The following FAM24B variants were observed in gnomAD, a reference collection of about 807,000 sequenced individuals.
The protein encoded by FAM24B is protein FAM24B.
FAM24B carries 3 observed loss-of-function variants against 2.3 expected under a neutral mutation model. That is an observed-to-expected ratio of 1.29 (90% confidence interval 0.59 to 3.32). The LOEUF is 3.32. Among genes scored for constraint, FAM24B ranks in the 30% most tolerant of loss-of-function variants. The pLI is 0.03. For synonymous variants in FAM24B, 36 were observed against 46.3 expected (o/e 0.78, Z 0.90); for missense variants, 98 against 117.2 (o/e 0.84, Z 0.76).
chr10:122,849,696 C>A (rs1485354739), intron 3 of FAM24B, among the ~76,000 whole-genome samples: 2 of 152,074 alleles, frequency 1.3e-5, no homozygotes, highest in African/African-American at 4.8e-5. Context: ...CTGGTCACTG[C>A]AGGCCCCCGA....
chr10:122,858,070 T>C (rs1001380144), intron 1 of FAM24B, among the ~76,000 whole-genome samples: 62 of 152,310 alleles, frequency 4.1e-4, no homozygotes, highest in African/African-American at 1.1e-3. Flanking sequence ...CCCAAAGGAT[T>C]ATAAATCATG....
chr10:122,849,466 AG>A (rs749697281), intron 3 of FAM24B, 27 bp from the exon 4 acceptor site: 1 of 1,579,048 alleles, frequency 6.3e-7, no homozygotes, highest in South Asian at 1.2e-5. Context: ...CACAAAGCAC[AG>A]GCTTAGAATT....
intron 1 of FAM24B, among the ~76,000 whole-genome samples, chr10:122,866,773 A>G (rs945480010): frequency 2.0e-5 from 3 of 152,074 alleles, no homozygotes; most frequent in Non-Finnish European, 4.4e-5. Flanking sequence ...CTCTCTCCCT[A>G]TTCTCAGGCC....
Position 122,851,989 on chromosome 10 carries a change from G to A in FAM24B, c.-35-1439C>T, listed in dbSNP as rs184115173. Reference sequence around the variant, plus strand: ...ATTCACTAGAAGGGCTTTCATAGCAGATTGGGATTGACAGAAGAATCAGTG... The same window carrying A: ...ATTCACTAGAAGGGCTTTCATAGCAAATTGGGATTGACAGAAGAATCAGTG... On this transcript the variant is annotated intron_variant, in intron 2 of 3. Coordinates refer to ENST00000368898, the MANE Select transcript of FAM24B (RefSeq NM_152644.3). Among the ~76,000 whole-genome samples, 6 of 152,276 alleles carry A rather than the reference G, an allele frequency of 3.9e-5. No homozygotes were observed. The East Asian group carries it at 5.8e-4, about 15-fold the overall frequency.
At chr10:122,863,141 T>C (rs772921881) in intron 1 of FAM24B, among the ~76,000 whole-genome samples, 3 of 152,190 alleles carry the variant, frequency 2.0e-5, no homozygotes, top group Non-Finnish European at 4.4e-5. Flanking sequence ...TTTTTGGCCA[T>C]GTTGAAGAAT....
Position 122,866,304 on chromosome 10 carries a change from T to A in FAM24B, c.-177-10518A>T, listed in dbSNP as rs1429715500. Among the ~76,000 whole-genome samples the A allele has an allele frequency of 2.6e-5, 4 of 152,264 alleles. No homozygotes were observed. The South Asian group carries it at 6.2e-4, about 24-fold the overall frequency. On this transcript the variant is annotated intron_variant, in intron 1 of 3. Transcript: ENST00000368898. ...CTTTTTTAGTCTGACCAGAGGCCTATCAACTTTATCTATCTTTTCAAAGAA... is the reference window on the plus strand; with the variant it reads ...CTTTTTTAGTCTGACCAGAGGCCTAACAACTTTATCTATCTTTTCAAAGAA...
chr10:122,862,409 T>G (rs1225610384), intron 1 of FAM24B, among the ~76,000 whole-genome samples: 1 of 152,212 alleles, frequency 6.6e-6, no homozygotes, highest in East Asian at 1.9e-4. Flanking sequence ...ATACACATTT[T>G]AGAAATCTGG....
chr10:122,879,311 G>A (rs4638251), intron 1 of FAM24B, among the ~76,000 whole-genome samples, 174 bp downstream of exon 1: 24,995 of 152,272 alleles, frequency 0.16, 2,448 homozygotes, highest in Non-Finnish European at 0.2. Flanking sequence ...GAGAGAGGCA[G>A]GGAGAGTTCG....
chr10:122,855,615 C>T (rs1487712589), intron 2 of FAM24B, 30 bp downstream of exon 2: 2 of 152,308 alleles, frequency 1.3e-5, no homozygotes, highest in African/African-American at 4.8e-5. Flanking sequence ...TCACATGATT[C>T]AAGAGAAGTA....
chr10:122,852,280 T>C (rs1847552348), intron 2 of FAM24B, among the ~76,000 whole-genome samples: 2 of 152,140 alleles, frequency 1.3e-5, no homozygotes, highest in Non-Finnish European at 2.9e-5. Context: ...GAATCCCAGC[T>C]TAGGAGCAGA....
rs77209999 is a variant in FAM24B at position 122,854,039 on chromosome 10, G to A, written c.-36+1606C>T. ...TATCAGAGAACCTAGAACCTATTAG[G>A]TGCTGGCACATGTTATGATCAATGA... On this transcript the variant is annotated intron_variant, in intron 2 of 3. Coordinates refer to ENST00000368898, the MANE Select transcript of FAM24B (RefSeq NM_152644.3). 6.4e-3 allele frequency among the ~76,000 whole-genome samples: 975 copies of A among 152,254 alleles called. 8 individuals carry two copies. The highest frequency in any genetic ancestry group is 0.016 in the African/African-American group (665 of 41,532).
At chr10:122,859,359 TTA>T (rs1240584995) in intron 1 of FAM24B, among the ~76,000 whole-genome samples, 1 of 152,156 alleles carries the variant, frequency 6.6e-6, no homozygotes, top group African/African-American at 2.4e-5. Context: ...GCAGAAAGCT[TTA>T]TACCTTATCA....
intron 1 of FAM24B, among the ~76,000 whole-genome samples, chr10:122,874,728 A>G (rs1172554869): frequency 6.6e-6 from 1 of 151,382 alleles, no homozygotes; most frequent in Non-Finnish European, 1.5e-5. Context: ...AGCTTGTCCA[A>G]CCTACAGCCT....
At chr10:122,863,871 G>A (rs1384109458) in intron 1 of FAM24B, among the ~76,000 whole-genome samples, 1 of 152,192 alleles carries the variant, frequency 6.6e-6, no homozygotes, top group African/African-American at 2.4e-5. Flanking sequence ...GAGAGATAAT[G>A]TCCTTTTCCA....
At chr10:122,861,329 T>C (rs1374479278) in intron 1 of FAM24B, among the ~76,000 whole-genome samples, 1 of 152,232 alleles carries the variant, frequency 6.6e-6, no homozygotes, top group Non-Finnish European at 1.5e-5. Context: ...CTCTCCATTC[T>C]GTTCCACTGA....
At position 122,849,356 on chromosome 10, in the gene FAM24B, G is replaced by A; in HGVS notation, c.176C>T (p.Thr59Ile). 6.2e-7 allele frequency: 1 copy of A among 1,613,436 alleles called. No individual in the cohort carries two copies. The highest frequency in any genetic ancestry group is 8.5e-7 in the Non-Finnish European group (1 of 1,179,724). Reference protein sequence around the residue: ...VWWAKNSQAKTIATESCPALQ... With the variant: ...VWWAKNSQAKIIATESCPALQ... ...GGCAGGACAAGACTCCGTGGCAATG[G>A]TTTTGGCCTGGCTGTTCTTGGCCCA... The change falls in exon 4 of 4, where the codon ACC (threonine) becomes ATC (isoleucine). Residue 59 changes from threonine to isoleucine, a missense_variant. Thr to Ile is a moderately conservative substitution (Grantham distance 89). Coordinates refer to ENST00000368898, the MANE Select transcript of FAM24B (RefSeq NM_152644.3).
At chr10:122,864,736 C>T (rs995220094) in intron 1 of FAM24B, among the ~76,000 whole-genome samples, 7 of 152,260 alleles carry the variant, frequency 4.6e-5, no homozygotes, top group African/African-American at 1.7e-4. Flanking sequence ...TCTCCTTTCC[C>T]CCTGCCAGAC....
chr10:122,878,052 G>T (rs1291375031), intron 1 of FAM24B, among the ~76,000 whole-genome samples: 1 of 152,192 alleles, frequency 6.6e-6, no homozygotes, highest in Non-Finnish European at 1.5e-5. Context: ...AACTCTAAGT[G>T]TAGCAGAGAG....
chr10:122,864,536 T>C (rs924027065), intron 1 of FAM24B, among the ~76,000 whole-genome samples: 31 of 152,236 alleles, frequency 2.0e-4, no homozygotes, highest in Admixed American at 7.9e-4. Flanking sequence ...TGTATTACTG[T>C]GGTGCATTTG....
Sources: allele counts gnomAD v4.1 joint callset (sites outside exome capture counted in the v4.1 genomes callset), GRCh38; gene constraint gnomAD v4.1.1; transcripts MANE v1.5; gene names NCBI Gene and HGNC (gene_info 2026-07-23, HGNC 2026-07-21).